NFYA: variants seen among roughly 807,000 people sequenced by gnomAD.
The protein encoded by NFYA is nuclear transcription factor Y subunit alpha, also known as CAAT-box DNA binding protein subunit A.
In NFYA, 28 loss-of-function variants were observed where a neutral mutation model predicts 52.8. That is an observed-to-expected ratio of 0.53 (90% CI 0.39 to 0.73). The LOEUF (loss-of-function observed/expected upper bound fraction) is 0.73. Ranked by LOEUF, NFYA falls within the 30% of genes least tolerant of loss-of-function variation. The probability of loss-of-function intolerance (pLI) is 0.00; values close to 1 mark genes in which losing one functional copy is unlikely to be tolerated. For synonymous variants in NFYA, 150 were observed against 150.7 expected (o/e 1.00, Z 0.03); for missense variants, 234 against 427.0 (o/e 0.55, Z 3.98).
At chr6:41,092,879 C>T in intron 7 of NFYA, 33 bp from the exon 8 acceptor site, 1 of 1,589,248 alleles carries the variant, frequency 6.3e-7, no homozygotes, top group African/African-American at 1.4e-5. Context: ...ATACTTCATG[C>T]CACCAATAAG....
chr6:41,088,262 CAAAA>C (rs1032680425), intron 4 of NFYA, among the ~76,000 whole-genome samples: 2 of 145,808 alleles, frequency 1.4e-5, no homozygotes, highest in African/African-American at 5.0e-5. Context: ...ACTAAAAAGA[CAAAA>C]AAAAAATTAA....
chr6:41,074,533 A>G (rs973736136), intron 1 of NFYA, among the ~76,000 whole-genome samples: 2 of 152,214 alleles, frequency 1.3e-5, no homozygotes, highest in African/African-American at 4.8e-5. Context: ...TTGAAGAATG[A>G]TGGTAATTCT....
chr6:41,084,034 A>G lies in NFYA; in HGVS notation c.163-12A>G, dbSNP rs1380959751. On this transcript the variant is annotated splice_polypyrimidine_tract_variant and intron_variant, in intron 3 of 9. Coordinates refer to ENST00000341376, the MANE Select transcript of NFYA (RefSeq NM_002505.5). Reference sequence around the variant, plus strand: ...TATGTTATTTCATTGTTCTTATTTTATTTCATTCTAGGTCCAAGGGCAGCC... The same window carrying G: ...TATGTTATTTCATTGTTCTTATTTTGTTTCATTCTAGGTCCAAGGGCAGCC... 1 of 1,579,790 alleles carries G rather than the reference A, an allele frequency of 6.3e-7. No homozygotes were observed. Among genetic ancestry groups the G allele is most frequent in the Admixed American group, 1.9e-5 (1 of 52,814 alleles).
chr6:41,091,478 C>T, intron 6 of NFYA, 50 bp from the exon 7 acceptor site: 1 of 1,581,152 alleles, frequency 6.3e-7, no homozygotes. Flanking sequence ...TCCCTTCTTT[C>T]TGTTCTGTGT....
rs911435083 is a variant in NFYA, at chr6:41,101,284, C to T, written c.*3874C>T. 2.6e-5 allele frequency: 4 copies of T among 152,220 alleles called. No homozygotes were observed. The highest frequency in any genetic ancestry group is 7.2e-5 in the African/African-American group (3 of 41,456). The allele number at this position is 152,220 out of a possible 1,614,324, so 9.4% of individuals were successfully genotyped here. A position where few individuals can be genotyped will look rare whatever the true frequency, so the allele number is the denominator to read the frequency against. ...CTCGACGGTTACAGGCCTAGCCTCC[C>T]GCGAGCTAAGGCACAGTTTAACTTC... On this transcript the variant is annotated 3_prime_UTR_variant, in exon 10 of 10. Transcript: ENST00000341376.
chr6:41,089,128 C>T (rs1435632849), intron 4 of NFYA, among the ~76,000 whole-genome samples: 2 of 152,070 alleles, frequency 1.3e-5, no homozygotes, highest in African/African-American at 4.8e-5. Flanking sequence ...GGATTACAGG[C>T]ATGCACCACC....
At position 41,086,613 on chromosome 6, in the gene NFYA, G is replaced by C. The variant is rs959292820; in HGVS notation, c.309+2421G>C. ...TTGTATTCTCTATTTTAGAATCCTAGTAAAGCTTGCACCCTCTAAGAAAAA... is the reference window on the plus strand; with the variant it reads ...TTGTATTCTCTATTTTAGAATCCTACTAAAGCTTGCACCCTCTAAGAAAAA... On this transcript the variant is annotated intron_variant, in intron 4 of 9. Coordinates refer to ENST00000341376, the MANE Select transcript of NFYA (RefSeq NM_002505.5). Among the ~76,000 whole-genome samples the C allele has an allele frequency of 5.3e-5, 8 of 151,936 alleles. No homozygotes were observed. In the South Asian group the frequency reaches 1.7e-3, roughly 31 times the overall value.
chr6:41,097,287 A>G lies in NFYA; in HGVS notation c.991-70A>G, dbSNP rs532216568. The G allele has an allele frequency of 2.2e-6, 3 of 1,380,036 alleles. No homozygotes were observed. In the East Asian group the frequency reaches 6.9e-5, roughly 32 times the overall value. The allele number at this position is 1,380,036 out of a possible 1,614,324, so 85.5% of individuals were successfully genotyped here. A position where few individuals can be genotyped will look rare whatever the true frequency, so the allele number is the denominator to read the frequency against. The stretch of plus-strand genomic sequence containing the variant: ...TTATGTGTATTCTCTTGGGGGGATA[A>G]GTAGTGAGAGCCATGAGTTCCTGTT... On this transcript the variant is annotated intron_variant, in intron 9 of 9. Transcript: ENST00000341376.
chr6:41,084,015 A>G, intron 3 of NFYA, 31 bp from the exon 4 acceptor site: 2 of 1,566,984 alleles, frequency 1.3e-6, no homozygotes, highest in Non-Finnish European at 1.7e-6. Context: ...GTCTTATGTT[A>G]TTTCATTGTT....
intron 4 of NFYA, among the ~76,000 whole-genome samples, chr6:41,088,192 G>A (rs558929356): frequency 2.0e-5 from 3 of 152,122 alleles, no homozygotes; most frequent in East Asian, 3.9e-4. Flanking sequence ...GCCGAGGCGG[G>A]TGGATCACAA....
chr6:41,080,918 CTG>C, intron 3 of NFYA, 21 bp downstream of exon 3: 1 of 1,585,186 alleles, frequency 6.3e-7, no homozygotes, highest in South Asian at 1.1e-5. Context: ...CTCTGATTCT[CTG>C]TGAGCACTGC....
intron 6 of NFYA, 34 bp from the exon 7 acceptor site, chr6:41,091,493 GT>G: frequency 1.2e-6 from 2 of 1,607,300 alleles, no homozygotes; most frequent in South Asian, 1.1e-5. Context: ...CTGTGTGCCT[GT>G]TTTTTGTTTG....
intron 1 of NFYA, among the ~76,000 whole-genome samples, chr6:41,077,039 TAAG>T (rs1402530505): frequency 2.0e-5 from 3 of 152,184 alleles, no homozygotes; most frequent in African/African-American, 7.2e-5. Context: ...ATAAACTAGT[TAAG>T]AAGAAAATCT....
At chr6:41,092,128 G>A (rs374514357) in intron 7 of NFYA, among the ~76,000 whole-genome samples, 67 of 152,302 alleles carry the variant, frequency 4.4e-4, no homozygotes, top group African/African-American at 1.4e-3. Context: ...GATTTGGGTG[G>A]TGTAACTGAA....
At chr6:41,092,861 C>G in intron 7 of NFYA, 51 bp from the exon 8 acceptor site, 2 of 1,547,320 alleles carry the variant, frequency 1.3e-6, no homozygotes, top group South Asian at 2.5e-5. Flanking sequence ...GAAACTGTTT[C>G]TATGTCCATA....
chr6:41,074,107 GT>G (rs996598506), intron 1 of NFYA, among the ~76,000 whole-genome samples: 8 of 151,974 alleles, frequency 5.3e-5, no homozygotes, highest in East Asian at 1.9e-4. Context: ...AGTTTTGGGG[GT>G]TTTTTTTCCC....
intron 4 of NFYA, among the ~76,000 whole-genome samples, chr6:41,088,629 G>T (rs1334350172): frequency 7.9e-5 from 12 of 151,902 alleles, no homozygotes; most frequent in Non-Finnish European, 1.5e-5. Flanking sequence ...TGTTGCCTAG[G>T]CTGGAATGCA....
chr6:41,080,699 T>C (rs1763881236), intron 2 of NFYA, 112 bp from the exon 3 acceptor site: 2 of 815,378 alleles, frequency 2.5e-6, no homozygotes, highest in South Asian at 1.6e-5. Context: ...CTGTACATTT[T>C]GAAAGTCCTT....
chr6:41,095,161 C>T (rs1472486900), intron 9 of NFYA, among the ~76,000 whole-genome samples: 1 of 152,142 alleles, frequency 6.6e-6, no homozygotes, highest in East Asian at 1.9e-4. Context: ...GCTCAAGCTC[C>T]TTCAACCCCT....
Sources: allele counts gnomAD v4.1 joint callset (sites outside exome capture counted in the v4.1 genomes callset), GRCh38; gene constraint gnomAD v4.1.1; transcripts MANE v1.5; gene names NCBI Gene and HGNC (gene_info 2026-07-23, HGNC 2026-07-21).